The following MCCC1 variants were observed in gnomAD, a reference collection of about 807,000 sequenced individuals.
MCCC1 encodes the protein methylcrotonyl-CoA carboxylase subunit 1.
Under a neutral mutation model 83.8 loss-of-function variants are expected in MCCC1, and 64 were observed. The ratio of observed to expected loss-of-function variants is 0.76; its 90% CI spans 0.62 to 0.94. The LOEUF (loss-of-function observed/expected upper bound fraction) is 0.94, where lower values mean the gene tolerates loss of function less well. Among genes scored for constraint, MCCC1 ranks in the 40% least tolerant of loss-of-function variants. The probability of loss-of-function intolerance (pLI) is 0.00; values close to 1 mark genes in which losing one functional copy is unlikely to be tolerated. For missense variants in MCCC1, 807 were observed against 904.7 expected (o/e 0.89, Z 1.39); for synonymous variants, 322 against 315.4 (o/e 1.02, Z -0.22).
intron 15 of MCCC1, 88 bp from the exon 16 acceptor site, chr3:183,022,642 G>T: frequency 8.6e-7 from 1 of 1,163,522 alleles, no homozygotes; most frequent in Non-Finnish European, 1.2e-6. Flanking sequence ...ACTATTGGTA[G>T]TTTTAAAACA....
chr3:183,065,896 C>A (rs2108518002), intron 7 of MCCC1, among the ~76,000 whole-genome samples: 1 of 152,252 alleles, frequency 6.6e-6, no homozygotes, highest in South Asian at 2.1e-4. Context: ...TTTATGAGAA[C>A]CTCACCTTAT....
intron 4 of MCCC1, among the ~76,000 whole-genome samples, chr3:183,074,210 A>C (rs1432421357): frequency 6.6e-6 from 1 of 152,248 alleles, no homozygotes; most frequent in Admixed American, 6.5e-5. Context: ...TGAAAAGGGC[A>C]TCCCTCAGAC....
chr3:183,049,414 T>C (rs942073700), intron 9 of MCCC1, among the ~76,000 whole-genome samples: 1 of 151,350 alleles, frequency 6.6e-6, no homozygotes, highest in Admixed American at 6.6e-5. Context: ...ACTAAAAAAA[T>C]ATAAAAATTA....
Position 183,017,462 on chromosome 3 carries a change from A to G in MCCC1, c.1978-125T>C. 3 of 849,390 alleles carry G rather than the reference A, an allele frequency of 3.5e-6. No homozygotes were observed. The South Asian group carries it at 4.3e-5, about 12-fold the overall frequency. 52.6% of individuals were successfully genotyped at this position (849,390 alleles called of 1,614,324 possible). A position where few individuals can be genotyped will look rare whatever the true frequency, so the allele number is the denominator to read the frequency against. On this transcript the variant is annotated intron_variant, in intron 17 of 18. Transcript: ENST00000265594. ...CATAACATCATGTTGCAAACCATGA[A>G]TATAAACAATAAAACATAAATAAAA...
chr3:183,098,538 CAG>C (rs1328597605), intron 1 of MCCC1: 3 of 152,266 alleles, frequency 2.0e-5, no homozygotes, highest in Admixed American at 2.0e-4. Flanking sequence ...GCCTTGACTG[CAG>C]AGTCTGTGCC....
In MCCC1 at chr3:183,079,841, C is replaced by A. The variant is rs145579857; in HGVS notation, c.369+6852G>T. ...CCTCTGAAATCTAGGCGGAGGTTCC[C>A]AAACCTCAGTTTTTGACTTTTGTGC... On this transcript the variant is annotated intron_variant, in intron 4 of 18. Coordinates refer to ENST00000265594, the MANE Select transcript of MCCC1 (RefSeq NM_020166.5). Among the ~76,000 whole-genome samples the A allele has an allele frequency of 3.7e-3, 562 of 152,308 alleles. 7 individuals carry two copies. The highest frequency in any genetic ancestry group is 0.026 in the Admixed American group (394 of 15,294).
At chr3:183,082,707 G>T (rs1717601839) in intron 4 of MCCC1, among the ~76,000 whole-genome samples, 1 of 152,212 alleles carries the variant, frequency 6.6e-6, no homozygotes, top group African/African-American at 2.4e-5. Context: ...GGCCAGGGCG[G>T]TGGCTCACGT....
intron 13 of MCCC1, among the ~76,000 whole-genome samples, chr3:183,035,209 A>G (rs1240115092): frequency 6.6e-6 from 1 of 152,244 alleles, no homozygotes; most frequent in African/African-American, 2.4e-5. Context: ...AGGTCACAGT[A>G]AGACAACGTT....
chr3:183,036,732 G>C (rs945484628), intron 13 of MCCC1, among the ~76,000 whole-genome samples: 4 of 151,988 alleles, frequency 2.6e-5, no homozygotes, highest in African/African-American at 4.8e-5. Context: ...GTAGAGACAG[G>C]GTTTCACCAT....
chr3:183,067,715 T>C (rs763599843), intron 7 of MCCC1, among the ~76,000 whole-genome samples: 3 of 152,204 alleles, frequency 2.0e-5, no homozygotes, highest in African/African-American at 4.8e-5. Context: ...TGGGCATGTA[T>C]TGGAATCACC....
chr3:183,054,598 T>C (rs1715273474), intron 8 of MCCC1, among the ~76,000 whole-genome samples: 1 of 152,194 alleles, frequency 6.6e-6, no homozygotes, highest in African/African-American at 2.4e-5. Context: ...GCAAAAAAGT[T>C]ATAGCAAGCT....
At chr3:183,070,320 T>C (rs989714820) in intron 7 of MCCC1, among the ~76,000 whole-genome samples, 11 of 152,126 alleles carry the variant, frequency 7.2e-5, no homozygotes, top group Admixed American at 6.5e-4. Context: ...ACAAGAAACA[T>C]ACTGAATGAA....
At chr3:183,045,566 A>C in intron 9 of MCCC1, 26 bp from the exon 10 acceptor site, 1 of 1,612,472 alleles carries the variant, frequency 6.2e-7, no homozygotes, top group Non-Finnish European at 8.5e-7. Flanking sequence ...CAATGGTCAT[A>C]TTCAATAGTG....
At chr3:183,035,427 T>C (rs745541830) in intron 13 of MCCC1, among the ~76,000 whole-genome samples, 10 of 152,106 alleles carry the variant, frequency 6.6e-5, no homozygotes, top group Non-Finnish European at 1.5e-4. Flanking sequence ...AAGATTCTAA[T>C]GATAGGATCC....
intron 1 of MCCC1, among the ~76,000 whole-genome samples, chr3:183,110,047 G>A (rs747456761): frequency 6.6e-6 from 1 of 152,146 alleles, no homozygotes; most frequent in Non-Finnish European, 1.5e-5. Flanking sequence ...CTGCATGTAT[G>A]TCCTCTTTTG....
chr3:183,099,489 C>T lies in MCCC1; in HGVS notation c.-49G>A, dbSNP rs1719002526. On this transcript the variant is annotated 5_prime_UTR_variant, in exon 1 of 19. Transcript: ENST00000265594. ...TGACTCCCCAGTACAGAGGCAGCTGCGTCCCACACGCCAAACCCGTTCCTC... is the reference window on the plus strand; with the variant it reads ...TGACTCCCCAGTACAGAGGCAGCTGTGTCCCACACGCCAAACCCGTTCCTC... 2 of 1,560,564 alleles carry T rather than the reference C, an allele frequency of 1.3e-6. No individual in the cohort carries two copies. Among genetic ancestry groups the T allele is most frequent in the East Asian group, 4.8e-5 (2 of 41,816 alleles).
At chr3:183,026,538 G>A (rs931148936) in intron 14 of MCCC1, among the ~76,000 whole-genome samples, 2 of 151,904 alleles carry the variant, frequency 1.3e-5, no homozygotes, top group East Asian at 1.9e-4. Flanking sequence ...GGTGAAACCC[G>A]GTCTCTACTA....
In MCCC1 at chr3:183,024,960, TA is replaced by T. The variant is rs1158461277; in HGVS notation, c.1731+794del. On this transcript the variant is annotated intron_variant, in intron 15 of 18. Transcript: ENST00000265594. ...CATACAACAGAGTATTTTTCACCCT[TA>T]AAAAAAAAAAAAAAGGAAATTCTCA... Among the ~76,000 whole-genome samples, 995 of 134,448 alleles carry T rather than the reference TA, an allele frequency of 7.4e-3. 3 individuals are homozygous for T. Among genetic ancestry groups the T allele is most frequent in the East Asian group, 0.031 (150 of 4,770 alleles). 88.2% of individuals were successfully genotyped at this position (134,448 alleles called of 152,430 possible).
At chr3:183,099,191 G>T in intron 1 of MCCC1, 161 bp downstream of exon 1, 2 of 755,502 alleles carry the variant, frequency 2.6e-6, no homozygotes, top group Non-Finnish European at 4.4e-6. Context: ...TCTTCCTCCC[G>T]ACGCCGTGAC....
Sources: allele counts gnomAD v4.1 joint callset (sites outside exome capture counted in the v4.1 genomes callset), GRCh38; gene constraint gnomAD v4.1.1; transcripts MANE v1.5; gene names NCBI Gene and HGNC (gene_info 2026-07-23, HGNC 2026-07-21).